The following PPP4R2 variants were observed in gnomAD, a reference collection of about 807,000 sequenced individuals.
The protein encoded by PPP4R2 is protein phosphatase 4 regulatory subunit 2.
In PPP4R2, 13 loss-of-function variants were observed where a neutral mutation model predicts 47.2. The ratio of observed to expected loss-of-function variants is 0.28; its 90% CI spans 0.18 to 0.44. The LOEUF (loss-of-function observed/expected upper bound fraction) is 0.44, where lower values mean the gene tolerates loss of function less well. Among genes scored for constraint, PPP4R2 ranks in the 20% least tolerant of loss-of-function variants. The probability of loss-of-function intolerance (pLI) is 1.00; values close to 1 mark genes in which losing one functional copy is unlikely to be tolerated. For synonymous variants in PPP4R2, 151 were observed against 163.3 expected (o/e 0.92, Z 0.57); for missense variants, 421 against 491.2 (o/e 0.86, Z 1.35).
chr3:73,059,720 C>T (rs767012992), intron 4 of PPP4R2, among the ~76,000 whole-genome samples: 5 of 151,662 alleles, frequency 3.3e-5, no homozygotes, highest in Non-Finnish European at 7.4e-5. Flanking sequence ...GGGTGGATCA[C>T]GGTCAGGAGT....
At chr3:73,062,657 C>T (rs780418477) in intron 5 of PPP4R2, 24 of 1,613,828 alleles carry the variant, frequency 1.5e-5, no homozygotes, top group South Asian at 6.6e-5. Context: ...TTTTGATAGG[C>T]ATTGCGGCTG....
chr3:73,049,228 G>C (rs1405308589), intron 3 of PPP4R2, among the ~76,000 whole-genome samples: 2 of 151,718 alleles, frequency 1.3e-5, no homozygotes, highest in Middle Eastern at 6.9e-3. Context: ...GCCAGGTGTG[G>C]TGGCTCACGC....
At chr3:73,025,330 A>G (rs533642732) in intron 2 of PPP4R2, among the ~76,000 whole-genome samples, 18 of 152,300 alleles carry the variant, frequency 1.2e-4, no homozygotes, top group African/African-American at 4.3e-4. Context: ...CTGACCTTTA[A>G]GGGTCCAGAT....
chr3:73,008,448 G>A (rs1445139529), intron 2 of PPP4R2, among the ~76,000 whole-genome samples: 1 of 152,104 alleles, frequency 6.6e-6, no homozygotes, highest in Admixed American at 6.5e-5. Flanking sequence ...ATTCTTTCGG[G>A]TGCCCAAATA....
rs2107358651 is a variant in PPP4R2 at position 73,069,042 on chromosome 3, A to G, written c.*3320A>G. 1 of 152,346 alleles carries G rather than the reference A, an allele frequency of 6.6e-6. No homozygotes were observed. The highest frequency in any genetic ancestry group is 1.9e-4 in the East Asian group (1 of 5,188). 9.4% of individuals were successfully genotyped at this position (152,346 alleles called of 1,614,324 possible). A position where few individuals can be genotyped will look rare whatever the true frequency, so the allele number is the denominator to read the frequency against. ...ATTAGGTTTGCTGGGTTTTGGCCTA[A>G]TAAGAGTGCTAGTATGTATTGGTTA... On this transcript the variant is annotated 3_prime_UTR_variant, in exon 9 of 9. Transcript: ENST00000356692.
chr3:73,006,816 A>G (rs191782907), intron 2 of PPP4R2, among the ~76,000 whole-genome samples: 108 of 152,260 alleles, frequency 7.1e-4, no homozygotes, highest in Admixed American at 1.4e-3. Flanking sequence ...GTGATTTCCA[A>G]TGAGTACCTG....
intron 3 of PPP4R2, among the ~76,000 whole-genome samples, chr3:73,055,742 A>G (rs1309962901): frequency 6.6e-6 from 1 of 151,464 alleles, no homozygotes; most frequent in Non-Finnish European, 1.5e-5. Context: ...ACTCACTGCA[A>G]CTTGCAACCT....
chr3:73,060,089 G>T (rs2291528), intron 4 of PPP4R2, among the ~76,000 whole-genome samples: 1 of 151,898 alleles, frequency 6.6e-6, no homozygotes, highest in African/African-American at 2.4e-5. Flanking sequence ...TCAGTTGATG[G>T]TTGGTCCGGA....
intron 2 of PPP4R2, among the ~76,000 whole-genome samples, chr3:73,035,087 A>G (rs1048203065): frequency 5.9e-5 from 9 of 152,122 alleles, no homozygotes; most frequent in Non-Finnish European, 1.2e-4. Context: ...CTCAAAAGCA[A>G]AAACACCAAA....
At chr3:73,043,922 C>T (rs1353613156) in intron 2 of PPP4R2, among the ~76,000 whole-genome samples, 3 of 152,204 alleles carry the variant, frequency 2.0e-5, no homozygotes, top group Non-Finnish European at 4.4e-5. Flanking sequence ...CTTCACCTTC[C>T]TCCCCACAGT....
intron 3 of PPP4R2, among the ~76,000 whole-genome samples, chr3:73,057,556 A>G (rs1702752519): frequency 6.6e-6 from 1 of 152,096 alleles, no homozygotes; most frequent in South Asian, 2.1e-4. Context: ...TTTGGATTCG[A>G]TTTTAGGTTT....
chr3:73,040,876 C>A (rs1219596122), intron 2 of PPP4R2, among the ~76,000 whole-genome samples: 1 of 152,118 alleles, frequency 6.6e-6, no homozygotes, highest in Non-Finnish European at 1.5e-5. Context: ...AGTTAAAAAT[C>A]TTGCCCTCAA....
intron 2 of PPP4R2, among the ~76,000 whole-genome samples, chr3:73,022,540 T>G (rs1478782255): frequency 6.6e-6 from 1 of 152,176 alleles, no homozygotes; most frequent in Admixed American, 6.5e-5. Context: ...AAATTGAAAT[T>G]TAAATTTTTT....
intron 2 of PPP4R2, among the ~76,000 whole-genome samples, chr3:73,017,130 A>T (rs565234869): frequency 8.3e-4 from 126 of 152,190 alleles, no homozygotes; most frequent in South Asian, 1.4e-3. Context: ...TATGTTGCTT[A>T]GGCTGGTCCC....
chr3:73,034,409 C>T (rs369869471), intron 2 of PPP4R2, among the ~76,000 whole-genome samples: 9 of 152,206 alleles, frequency 5.9e-5, no homozygotes, highest in East Asian at 5.8e-4. Flanking sequence ...ATGGAGATTC[C>T]TACCAGTTAG....
Position 73,035,945 on chromosome 3 carries a change from A to G in PPP4R2, c.117-11241A>G, listed in dbSNP as rs112744474. Reference sequence around the variant, plus strand: ...CCTGCACTTTAATATTTATTGCAGCATTATTTACAGTAGCCAAGATAGAGA... The same window carrying G: ...CCTGCACTTTAATATTTATTGCAGCGTTATTTACAGTAGCCAAGATAGAGA... On this transcript the variant is annotated intron_variant, in intron 2 of 8. Transcript: ENST00000356692. Among the ~76,000 whole-genome samples, 514 of 152,328 alleles carry G rather than the reference A, an allele frequency of 3.4e-3. 3 individuals carry two copies. The highest frequency in any genetic ancestry group is 0.012 in the African/African-American group (493 of 41,576).
rs201324354 is a variant in PPP4R2, at chr3:73,047,282, C to G, written c.213C>G (p.Pro71=). The G allele has an allele frequency of 1.9e-4, 309 of 1,611,248 alleles. 1 individual carries two copies. Among genetic ancestry groups the G allele is most frequent in the Non-Finnish European group, 2.2e-5 (26 of 1,178,260 alleles). ...CAGCTCCTGAGCCAAGAGGTCCTCCCAACCCTAATGTCGAATATATTCCCT... is the reference window on the plus strand; with the variant it reads ...CAGCTCCTGAGCCAAGAGGTCCTCCGAACCCTAATGTCGAATATATTCCCT... ...RTSAPEPRGP[P]NPNVEYIPFD... Residue 71 remains proline, a synonymous_variant, in exon 3 of 9, where the codon CCC becomes CCG. Transcript: ENST00000356692.
intron 2 of PPP4R2, among the ~76,000 whole-genome samples, chr3:73,011,473 A>G (rs541587273): frequency 4.7e-5 from 7 of 150,350 alleles, no homozygotes; most frequent in African/African-American, 2.4e-5. Flanking sequence ...AGGGTGAGAC[A>G]GTGTCTCAGA....
chr3:73,065,194 G>T, intron 8 of PPP4R2, 53 bp downstream of exon 8: 1 of 1,497,266 alleles, frequency 6.7e-7, no homozygotes, highest in Non-Finnish European at 8.9e-7. Context: ...TCAAATTCTT[G>T]TACTTCATTT....
Sources: allele counts gnomAD v4.1 joint callset (sites outside exome capture counted in the v4.1 genomes callset), GRCh38; gene constraint gnomAD v4.1.1; transcripts MANE v1.5; gene names NCBI Gene and HGNC (gene_info 2026-07-23, HGNC 2026-07-21).